The following ZFAND4 variants were observed in gnomAD, a reference collection of about 807,000 sequenced individuals.
ZFAND4 encodes zinc finger AN1-type containing 4, also known as AN1-type zinc finger protein 4.
In ZFAND4, 43 loss-of-function variants were observed where a neutral mutation model predicts 64.4. That is an observed-to-expected ratio of 0.67 (90% CI 0.52 to 0.86). The LOEUF (loss-of-function observed/expected upper bound fraction) is 0.86, where lower values mean the gene tolerates loss of function less well. Ranked by LOEUF, ZFAND4 falls within the 40% of genes least tolerant of loss-of-function variation. The probability of loss-of-function intolerance (pLI) is 0.00; values close to 1 mark genes in which losing one functional copy is unlikely to be tolerated. For missense variants in ZFAND4, 929 were observed against 859.8 expected, an observed-to-expected ratio of 1.08 and a Z score of -1.01; for synonymous variants, 296 against 305.7, an observed-to-expected ratio of 0.97 and a Z score of 0.33.
intron 2 of ZFAND4, among the ~76,000 whole-genome samples, chr10:45,659,157 C>T (rs181875361): frequency 6.6e-6 from 1 of 152,256 alleles, no homozygotes; most frequent in East Asian, 1.9e-4. Context: ...CCTCTAGCCT[C>T]CCTACCTCAC....
intron 2 of ZFAND4, among the ~76,000 whole-genome samples, chr10:45,655,723 C>A (rs2048051055): frequency 6.6e-6 from 1 of 152,172 alleles, no homozygotes; most frequent in Non-Finnish European, 1.5e-5. Flanking sequence ...TTCAAGATTA[C>A]TATAAATACC....
chr10:45,631,871 A>AG (rs1184253900), intron 6 of ZFAND4, among the ~76,000 whole-genome samples: 1 of 151,710 alleles, frequency 6.6e-6, no homozygotes, highest in Non-Finnish European at 1.5e-5. Flanking sequence ...CAAAAATAGA[A>AG]GAAAAACCTA....
At chr10:45,637,721 G>A (rs2046707531) in intron 6 of ZFAND4, among the ~76,000 whole-genome samples, 1 of 152,104 alleles carries the variant, frequency 6.6e-6, no homozygotes, top group Non-Finnish European at 1.5e-5. Flanking sequence ...CTGCACTCCA[G>A]CCTGGGCAAC....
At chr10:45,663,960 G>T in intron 1 of ZFAND4, 118 bp from the exon 2 acceptor site, 1 of 387,786 alleles carries the variant, frequency 2.6e-6, no homozygotes, top group Non-Finnish European at 4.6e-6. Context: ...TCACTTTAGT[G>T]CTTTTAATTA....
intron 5 of ZFAND4, among the ~76,000 whole-genome samples, chr10:45,646,060 CTT>C (rs2047357938): frequency 6.6e-6 from 1 of 152,118 alleles, no homozygotes; most frequent in South Asian, 2.1e-4. Context: ...TTGCAATTGA[CTT>C]TGCAAATTTG....
At chr10:45,662,616 T>C (rs2048552150) in intron 2 of ZFAND4, 6 of 985,468 alleles carry the variant, frequency 6.1e-6, no homozygotes, top group Non-Finnish European at 7.2e-6. Context: ...TCAAGAGTCA[T>C]TACTGAATGT....
Position 45,616,315 on chromosome 10 carries a change from A to G in ZFAND4, c.*121T>C. 1 of 1,306,130 alleles carries G rather than the reference A, an allele frequency of 7.7e-7. No individual in the cohort carries two copies. Among genetic ancestry groups the G allele is most frequent in the South Asian group, 1.5e-5 (1 of 68,634 alleles). 80.9% of individuals were successfully genotyped at this position (1,306,130 alleles called of 1,614,324 possible). ...GCATTCTTGTTCTCCAACAGTATGC[A>G]TTGTATGCTTTTGTTATTTGGCAAA... On this transcript the variant is annotated 3_prime_UTR_variant, in exon 10 of 10. Coordinates refer to ENST00000344646, the MANE Select transcript of ZFAND4 (RefSeq NM_174890.4).
chr10:45,640,024 C>A (rs530371917), intron 5 of ZFAND4, 61 bp from the exon 6 acceptor site: 5 of 1,537,418 alleles, frequency 3.3e-6, no homozygotes, highest in African/African-American at 1.4e-5. Context: ...ACTAAAAATG[C>A]TCTATATGAA....
chr10:45,626,559 C>G lies in ZFAND4; in HGVS notation c.1264G>C (p.Val422Leu). The part of the protein sequence containing the change: ...QSSGLEGACK[V>L]NLELLLTNAD... ...TTAGTGAGTAGCAACTCCAGATTCA[C>G]TTTGCACGCACCTTCTAAGCCGCTG... Residue 422 changes from valine to leucine, a missense_variant, in exon 7 of 10, where the codon GTG becomes CTG. Coordinates refer to ENST00000344646, the MANE Select transcript of ZFAND4 (RefSeq NM_174890.4). The G allele has an allele frequency of 6.2e-7, 1 of 1,614,154 alleles. No individual in the cohort carries two copies. The highest frequency in any genetic ancestry group is 8.5e-7 in the Non-Finnish European group (1 of 1,180,044).
Position 45,627,122 on chromosome 10 carries a change from TAC to T in ZFAND4, c.718-19_718-18del. 1.3e-6 allele frequency: 2 copies of T among 1,517,496 alleles called. No homozygotes were observed. Among genetic ancestry groups the T allele is most frequent in the African/African-American group, 1.4e-5 (1 of 71,826 alleles). 94.0% of individuals were successfully genotyped at this position (1,517,496 alleles called of 1,614,324 possible). A position where few individuals can be genotyped will look rare whatever the true frequency, so the allele number is the denominator to read the frequency against. ...TTTCTTAGGCTAAAAGGAATGAATA[TAC>T]AGTTTCTTTACACAGTCGTTTTCTC... On this transcript the variant is annotated intron_variant, in intron 6 of 9. Transcript: ENST00000344646.
chr10:45,622,913 G>A (rs199505728), intron 8 of ZFAND4, among the ~76,000 whole-genome samples: 13,637 of 147,848 alleles, frequency 0.092, 692 homozygotes, highest in African/African-American at 0.13. Flanking sequence ...TGGTTTCGGG[G>A]AAAAAAAAAA....
intron 6 of ZFAND4, among the ~76,000 whole-genome samples, chr10:45,635,194 G>T (rs1365833099): frequency 1.2e-4 from 1 of 8,640 alleles, no homozygotes; most frequent in Non-Finnish European, 2.3e-4. Context: ...AGCCATCTAA[G>T]CAAAAAAAAA....
chr10:45,616,681 T>A, intron 9 of ZFAND4, 110 bp from the exon 10 acceptor site: 1 of 1,076,876 alleles, frequency 9.3e-7, no homozygotes, highest in South Asian at 1.6e-5. Context: ...CTTTGGTTCT[T>A]TTTAGCAATT....
rs71520970 is a variant in ZFAND4, at chr10:45,656,236, A to AAAGAG, written c.185-3182_185-3178dup. Among the ~76,000 whole-genome samples the AAAGAG allele has an allele frequency of 2.1e-3, 309 of 149,458 alleles. 2 individuals are homozygous for AAAGAG. The highest frequency in any genetic ancestry group is 3.5e-3 in the Admixed American group (53 of 15,000). On this transcript the variant is annotated intron_variant, in intron 2 of 9. Coordinates refer to ENST00000344646, the MANE Select transcript of ZFAND4 (RefSeq NM_174890.4). The stretch of plus-strand genomic sequence containing the variant: ...GAGCAAGACTCCGTTTCTAAAAAGA[A>AAAGAG]AAGAGAAGAGAAGAGAAGAGAAGAG...
intron 5 of ZFAND4, among the ~76,000 whole-genome samples, chr10:45,642,544 T>C (rs970877073): frequency 2.7e-5 from 4 of 149,460 alleles, no homozygotes; most frequent in Non-Finnish European, 5.9e-5. Context: ...GAGGCAGAGC[T>C]TGCAAGTGAG....
rs755462441 is a variant in ZFAND4 at position 45,616,389 on chromosome 10, C to T, written c.*47G>A. On this transcript the variant is annotated 3_prime_UTR_variant, in exon 10 of 10. Coordinates refer to ENST00000344646, the MANE Select transcript of ZFAND4 (RefSeq NM_174890.4). Reference sequence around the variant, plus strand: ...ATAGTCTAAACAACATTTCTTCTGTCATTATAATACGAATCCCGGGCAGAA... The same window carrying T: ...ATAGTCTAAACAACATTTCTTCTGTTATTATAATACGAATCCCGGGCAGAA... 2 of 1,596,742 alleles carry T rather than the reference C, an allele frequency of 1.3e-6. No homozygotes were observed. The highest frequency in any genetic ancestry group is 4.5e-5 in the East Asian group (2 of 44,566).
At chr10:45,620,782 C>T (rs563588103) in intron 8 of ZFAND4, 2 of 152,288 alleles carry the variant, frequency 1.3e-5, no homozygotes, top group African/African-American at 4.8e-5. Context: ...ATACCTACCC[C>T]GAAGGATGTA....
At chr10:45,643,897 G>A (rs1046868090) in intron 5 of ZFAND4, among the ~76,000 whole-genome samples, 2 of 152,084 alleles carry the variant, frequency 1.3e-5, no homozygotes, top group African/African-American at 2.4e-5. Flanking sequence ...AATGGTTTAT[G>A]AACTTTAATT....
chr10:45,639,959 C>T lies in ZFAND4; in HGVS notation c.574G>A (p.Gly192Ser). Reference protein sequence around the residue: ...RRKGEHRMSGGSMYNSDTDED... With the variant: ...RRKGEHRMSGSSMYNSDTDED... ...TCTGTATCTGAATTATACATAGAAC[C>T]ACCACTGCAAAGAAAACAATAACTA... Residue 192 changes from glycine to serine, a missense_variant, in exon 6 of 10, where the codon GGT becomes AGT. By Grantham distance (56) the Gly-to-Ser change is moderately conservative. Coordinates refer to ENST00000344646, the MANE Select transcript of ZFAND4 (RefSeq NM_174890.4). 6.2e-7 allele frequency: 1 copy of T among 1,603,938 alleles called. No individual in the cohort carries two copies. Among genetic ancestry groups the T allele is most frequent in the Non-Finnish European group, 8.5e-7 (1 of 1,177,566 alleles).
Sources: allele counts gnomAD v4.1 joint callset (sites outside exome capture counted in the v4.1 genomes callset), GRCh38; gene constraint gnomAD v4.1.1; transcripts MANE v1.5; gene names NCBI Gene and HGNC (gene_info 2026-07-23, HGNC 2026-07-21).